ZMAT4: variants seen among roughly 807,000 people sequenced by gnomAD.
ZMAT4 encodes zinc finger matrin-type 4, also known as zinc finger matrin-type protein 4.
A neutral mutation model predicts 28.7 loss-of-function variants in ZMAT4; 17 were observed. That is an observed-to-expected ratio of 0.59 (90% confidence interval 0.41 to 0.89). The LOEUF is 0.89. ZMAT4 is among the 40% of genes least tolerant of loss of function. The pLI is 0.00. For missense variants in ZMAT4, 240 were observed against 283.8 expected (o/e 0.85, Z 1.11); for synonymous variants, 117 against 109.2 (o/e 1.07, Z -0.44).
chr8:40,881,647 G>A lies in ZMAT4; in HGVS notation c.-5+16036C>T, dbSNP rs556445651. On this transcript the variant is annotated intron_variant, in intron 1 of 6. Transcript: ENST00000297737. ...AAAGAAAGAATAATATCAGTTCCTTGTCAAAGCAGCAATACTTAGGAGCAA... is the reference window on the plus strand; with the variant it reads ...AAAGAAAGAATAATATCAGTTCCTTATCAAAGCAGCAATACTTAGGAGCAA... Among the ~76,000 whole-genome samples, 5 of 152,122 alleles carry A rather than the reference G, an allele frequency of 3.3e-5. No homozygotes were observed. The East Asian group carries it at 9.7e-4, about 29-fold the overall frequency.
intron 1 of ZMAT4, among the ~76,000 whole-genome samples, chr8:40,862,668 G>A (rs1817543395): frequency 6.7e-6 from 1 of 149,158 alleles, no homozygotes; most frequent in African/African-American, 2.5e-5. Flanking sequence ...CATGTCCTTT[G>A]TAGGGACATG....
intron 1 of ZMAT4, among the ~76,000 whole-genome samples, chr8:40,870,701 C>G (rs1483000505): frequency 6.6e-6 from 1 of 152,150 alleles, no homozygotes; most frequent in African/African-American, 2.4e-5. Context: ...CCTTCAAACA[C>G]CAGGCACATG....
At chr8:40,695,292 A>C (rs1052237864) in intron 4 of ZMAT4, among the ~76,000 whole-genome samples, 1 of 152,176 alleles carries the variant, frequency 6.6e-6, no homozygotes, top group African/African-American at 2.4e-5. Flanking sequence ...CTGGGTTGAC[A>C]CCAACCCAAG....
rs529618072 is a variant in ZMAT4, at chr8:40,820,334, A to G, written c.102+5241T>C. On this transcript the variant is annotated intron_variant, in intron 2 of 6. Transcript: ENST00000297737. Reference sequence around the variant, plus strand: ...TGGGTCTTTATGTGTGTATATGTGTATGTGTGTGTTTATGTGTGTGTTTGT... The same window carrying G: ...TGGGTCTTTATGTGTGTATATGTGTGTGTGTGTGTTTATGTGTGTGTTTGT... 4.5e-3 allele frequency among the ~76,000 whole-genome samples: 657 copies of G among 146,420 alleles called. 6 individuals carry two copies. Among genetic ancestry groups the G allele is most frequent in the African/African-American group, 0.015 (605 of 39,390 alleles).
chr8:40,551,023 G>A (rs570374843), intron 6 of ZMAT4, among the ~76,000 whole-genome samples: 3 of 152,136 alleles, frequency 2.0e-5, no homozygotes, highest in African/African-American at 7.2e-5. Context: ...CACCTGAAAT[G>A]CCATTGTATC....
chr8:40,557,833 T>C (rs745365133), intron 6 of ZMAT4, among the ~76,000 whole-genome samples: 1 of 151,986 alleles, frequency 6.6e-6, no homozygotes, highest in East Asian at 1.9e-4. Flanking sequence ...AAAGAAGAGA[T>C]AGATGATAGA....
At chr8:40,715,221 A>T (rs1357069838) in intron 3 of ZMAT4, among the ~76,000 whole-genome samples, 2 of 152,124 alleles carry the variant, frequency 1.3e-5, no homozygotes, top group African/African-American at 2.4e-5. Flanking sequence ...ATGTGCACAG[A>T]TTAGCAAAGG....
At chr8:40,549,183 C>T (rs774681425) in intron 6 of ZMAT4, among the ~76,000 whole-genome samples, 35 of 152,128 alleles carry the variant, frequency 2.3e-4, no homozygotes, top group Non-Finnish European at 4.0e-4. Context: ...AGACACTGAA[C>T]CTGTTGCCAC....
At chr8:40,634,429 A>G (rs779989232) in intron 5 of ZMAT4, among the ~76,000 whole-genome samples, 7 of 152,126 alleles carry the variant, frequency 4.6e-5, no homozygotes, top group Non-Finnish European at 1.0e-4. Flanking sequence ...AGAGAGAAAT[A>G]TTTTCTATTT....
At chr8:40,724,310 G>A (rs186358818) in intron 3 of ZMAT4, among the ~76,000 whole-genome samples, 24 of 152,274 alleles carry the variant, frequency 1.6e-4, no homozygotes, top group Admixed American at 9.2e-4. Context: ...CTCTATGGTG[G>A]ACCAAAGTCA....
chr8:40,555,028 T>C (rs979818453), intron 6 of ZMAT4, among the ~76,000 whole-genome samples: 1 of 152,088 alleles, frequency 6.6e-6, no homozygotes, highest in African/African-American at 2.4e-5. Flanking sequence ...TCTATCTCCA[T>C]GAGATTAACT....
rs532317102 is a variant in ZMAT4 at position 40,713,921 on chromosome 8, CAAAAAAA to C, written c.193-16527_193-16521del. Among the ~76,000 whole-genome samples the C allele has an allele frequency of 4.6e-4, 23 of 50,018 alleles. 1 individual carries two copies. The highest frequency in any genetic ancestry group is 1.5e-3 in the South Asian group (2 of 1,322). 32.8% of individuals were successfully genotyped at this position (50,018 alleles called of 152,430 possible). On this transcript the variant is annotated intron_variant, in intron 3 of 6. Transcript: ENST00000297737. ...GGAGACTCCATCTCAAAAACAAAAC[CAAAAAAA>C]AAAAAAAAAAAGAAAAAGAAAAAGA...
chr8:40,532,023 A>G lies in ZMAT4; in HGVS notation c.*200T>C. 2.4e-6 allele frequency: 1 copy of G among 410,096 alleles called. No homozygotes were observed. 25.4% of individuals were successfully genotyped at this position (410,096 alleles called of 1,614,324 possible). A position where few individuals can be genotyped will look rare whatever the true frequency, so the allele number is the denominator to read the frequency against. ...AAAATCCATCCAAATATCATAACTT[A>G]CCCCAAAATTAAAAAAAGGAAAAAG... On this transcript the variant is annotated 3_prime_UTR_variant, in exon 7 of 7. Coordinates refer to ENST00000297737, the MANE Select transcript of ZMAT4 (RefSeq NM_024645.3).
chr8:40,817,542 C>T (rs994082676), intron 2 of ZMAT4, among the ~76,000 whole-genome samples: 2 of 152,236 alleles, frequency 1.3e-5, no homozygotes, highest in African/African-American at 2.4e-5. Flanking sequence ...AGGATACTAG[C>T]TTTGCTGTGG....
chr8:40,785,450 G>A (rs1042204625), intron 2 of ZMAT4, among the ~76,000 whole-genome samples: 5 of 152,248 alleles, frequency 3.3e-5, no homozygotes, highest in East Asian at 1.9e-4. Context: ...TCCAAAAAAC[G>A]CTCCTTGGTT....
intron 5 of ZMAT4, among the ~76,000 whole-genome samples, chr8:40,667,719 G>A (rs1808481675): frequency 6.6e-6 from 1 of 152,030 alleles, no homozygotes; most frequent in South Asian, 2.1e-4. Flanking sequence ...AGAAGCACAG[G>A]AAACTCATGG....
chr8:40,863,696 T>A (rs1176852862), intron 1 of ZMAT4, among the ~76,000 whole-genome samples: 1 of 152,092 alleles, frequency 6.6e-6, no homozygotes, highest in Non-Finnish European at 1.5e-5. Flanking sequence ...GTTTTAAAAA[T>A]CCATATGAGG....
At chr8:40,618,887 C>A (rs1806106771) in intron 5 of ZMAT4, among the ~76,000 whole-genome samples, 1 of 152,190 alleles carries the variant, frequency 6.6e-6, no homozygotes. Context: ...CTTCTAGAAG[C>A]AATTCCAGGA....
At position 40,674,904 on chromosome 8, in the gene ZMAT4, G is replaced by C; in HGVS notation, c.377C>G (p.Pro126Arg). The change falls in exon 5 of 7, where the codon CCA becomes CGA. Residue 126 changes from proline (P) to arginine (R), a missense_variant. By Grantham distance (103) the Pro-to-Arg change is moderately radical (BLOSUM62 -2). Transcript: ENST00000297737. ...TATPLSPLKP[P>R]RMDTAPVVAS... ...GACCACCGGAGCAGTGTCCATCCGT[G>C]GGGGCTTAAGTGGGCTCAGGGGTGT... 6.2e-7 allele frequency: 1 copy of C among 1,613,130 alleles called. No individual in the cohort carries two copies. The highest frequency in any genetic ancestry group is 8.5e-7 in the Non-Finnish European group (1 of 1,179,814).
Sources: allele counts gnomAD v4.1 joint callset (sites outside exome capture counted in the v4.1 genomes callset), GRCh38; gene constraint gnomAD v4.1.1; transcripts MANE v1.5; gene names NCBI Gene and HGNC (gene_info 2026-07-23, HGNC 2026-07-21).